The following CCDC122 variants were observed in gnomAD, a reference collection of about 807,000 sequenced individuals.
CCDC122 encodes the protein coiled-coil domain containing 122.
Under a neutral mutation model 37.0 loss-of-function variants are expected in CCDC122, and 38 were observed. That is an observed-to-expected ratio of 1.03 (90% CI 0.79 to 1.35). CCDC122 has a LOEUF of 1.35. CCDC122 is among the 40% of genes most tolerant of loss of function. CCDC122 has a pLI of 0.00. For missense variants in CCDC122, 305 were observed against 310.0 expected, an observed-to-expected ratio of 0.98 and a Z score of 0.12; for synonymous variants, 83 against 95.6, an observed-to-expected ratio of 0.87 and a Z score of 0.77.
intron 3 of CCDC122, among the ~76,000 whole-genome samples, chr13:43,825,334 A>G (rs1167656168): frequency 6.6e-6 from 1 of 152,218 alleles, no homozygotes; most frequent in Non-Finnish European, 1.5e-5. Flanking sequence ...TGTCACTTAT[A>G]ACTGGGAGCT....
downstream of CCDC122, among the ~76,000 whole-genome samples, chr13:43,831,477 G>T (rs1354140784): frequency 6.6e-6 from 1 of 152,282 alleles, no homozygotes; most frequent in Non-Finnish European, 1.5e-5. Context: ...TCCAATACAA[G>T]CATTGGGATT....
intron 3 of CCDC122, among the ~76,000 whole-genome samples, chr13:43,828,326 C>T (rs926978085): frequency 4.6e-5 from 7 of 152,054 alleles, no homozygotes; most frequent in Admixed American, 4.6e-4. Flanking sequence ...GTGGAGATTA[C>T]AACGGAGAAT....
At chr13:43,859,442 A>C (rs961207939) in intron 5 of CCDC122, among the ~76,000 whole-genome samples, 2 of 152,074 alleles carry the variant, frequency 1.3e-5, no homozygotes, top group Non-Finnish European at 2.9e-5. Flanking sequence ...TAGTTTTATA[A>C]ATCTACAGGG....
At chr13:43,847,493 A>C (rs1953582331) in intron 6 of CCDC122, among the ~76,000 whole-genome samples, 1 of 152,154 alleles carries the variant, frequency 6.6e-6, no homozygotes, top group Middle Eastern at 3.2e-3. Context: ...TTCATATCCT[A>C]CTCTGTCATT....
intron 6 of CCDC122, among the ~76,000 whole-genome samples, chr13:43,852,087 CT>C: frequency 6.6e-6 from 1 of 152,248 alleles, no homozygotes; most frequent in African/African-American, 2.4e-5. Flanking sequence ...TGCCTTCTTT[CT>C]TCCAAATGAC....
At chr13:43,879,049 T>A (rs1167305953) in intron 1 of CCDC122, among the ~76,000 whole-genome samples, 1 of 152,090 alleles carries the variant, frequency 6.6e-6, no homozygotes, top group Non-Finnish European at 1.5e-5. Flanking sequence ...AAACCCAGCG[T>A]CCTGACCACA....
intron 4 of CCDC122, 55 bp downstream of exon 4, chr13:43,868,639 G>T (rs1320064204): frequency 2.3e-6 from 2 of 867,356 alleles, no homozygotes; most frequent in Non-Finnish European, 3.4e-6. Flanking sequence ...TAATCTCCTG[G>T]TCATTTACTT....
At chr13:43,835,705 C>T (rs570076917), downstream of CCDC122, among the ~76,000 whole-genome samples, 196 of 152,276 alleles carry the variant, frequency 1.3e-3, no homozygotes, top group African/African-American at 4.6e-3. Context: ...TCAATATAAA[C>T]TTTAAAACAC....
chr13:43,866,701 G>C (rs1045874425), intron 4 of CCDC122, among the ~76,000 whole-genome samples: 1 of 152,092 alleles, frequency 6.6e-6, no homozygotes, highest in Non-Finnish European at 1.5e-5. Context: ...ATTGTAAGTA[G>C]TATTGCTTTT....
chr13:43,821,974 T>G (rs934205215), downstream of CCDC122, among the ~76,000 whole-genome samples: 1 of 152,254 alleles, frequency 6.6e-6, no homozygotes, highest in African/African-American at 2.4e-5. Context: ...TCTCTGTTTC[T>G]CCAGGATTGG....
At chr13:43,839,991 G>C (rs767357673) in intron 6 of CCDC122, among the ~76,000 whole-genome samples, 2 of 152,142 alleles carry the variant, frequency 1.3e-5, no homozygotes, top group African/African-American at 2.4e-5. Flanking sequence ...CAATGGGATT[G>C]GTTACATCTC....
chr13:43,856,429 G>C (rs1365534418), intron 6 of CCDC122: 1 of 152,396 alleles, frequency 6.6e-6, no homozygotes, highest in East Asian at 1.9e-4. Context: ...AGGAGATCAA[G>C]ACCATCCTGG....
At chr13:43,873,833 C>T (rs1228624366) in intron 2 of CCDC122, among the ~76,000 whole-genome samples, 4 of 152,140 alleles carry the variant, frequency 2.6e-5, no homozygotes, top group South Asian at 2.1e-4. Context: ...CTATTACCAC[C>T]GACATCTCAT....
At chr13:43,832,784 A>T (rs970254235), downstream of CCDC122, among the ~76,000 whole-genome samples, 3 of 152,158 alleles carry the variant, frequency 2.0e-5, no homozygotes, top group African/African-American at 7.2e-5. Context: ...GCCCCTGATG[A>T]GCTGTGTGAT....
intron 6 of CCDC122, among the ~76,000 whole-genome samples, chr13:43,847,086 G>A (rs1458902391): frequency 6.6e-6 from 1 of 152,174 alleles, no homozygotes; most frequent in African/African-American, 2.4e-5. Context: ...ATGTTCACCA[G>A]TTGTAGCATG....
chr13:43,857,163 T>C (rs994295867), intron 6 of CCDC122, among the ~76,000 whole-genome samples: 2 of 152,202 alleles, frequency 1.3e-5, no homozygotes, highest in East Asian at 1.9e-4. Context: ...TTATTTCTGA[T>C]ATTCATGGTT....
At chr13:43,873,557 T>C (rs1251522810) in intron 2 of CCDC122, among the ~76,000 whole-genome samples, 1 of 152,214 alleles carries the variant, frequency 6.6e-6, no homozygotes, top group African/African-American at 2.4e-5. Flanking sequence ...GGAGATCTTA[T>C]TGTTGATGTT....
downstream of CCDC122, among the ~76,000 whole-genome samples, chr13:43,823,737 A>G (rs757163179): frequency 2.8e-4 from 42 of 152,244 alleles, no homozygotes; most frequent in Non-Finnish European, 3.1e-4. Context: ...GGCAGCACTG[A>G]GTTCAGTGTA....
intron 6 of CCDC122, among the ~76,000 whole-genome samples, chr13:43,853,529 C>T (rs948500764): frequency 2.0e-5 from 3 of 152,160 alleles, no homozygotes; most frequent in Non-Finnish European, 4.4e-5. Flanking sequence ...TAGACCCCCA[C>T]ACAATAATGG....
Sources: gnomAD v4.1 joint callset for allele counts (sites outside exome capture counted in the v4.1 genomes callset) on GRCh38, gnomAD v4.1.1 for gene constraint, MANE v1.5 for transcripts, NCBI Gene and HGNC (gene_info 2026-07-23, HGNC 2026-07-21) for gene names.